The following ADARB2 variants were observed in gnomAD, a reference collection of about 807,000 sequenced individuals.
ADARB2 encodes the protein inactive double-stranded RNA-specific editase B2.
Under a neutral mutation model 62.2 loss-of-function variants are expected in ADARB2, and 25 were observed. The ratio of observed to expected loss-of-function variants is 0.40; its 90% CI spans 0.29 to 0.56. The LOEUF (loss-of-function observed/expected upper bound fraction) is 0.56. ADARB2 is among the 20% of genes least tolerant of loss of function. The probability of loss-of-function intolerance (pLI) is 0.43; values close to 1 mark genes in which losing one functional copy is unlikely to be tolerated. For synonymous variants in ADARB2, 572 were observed against 500.8 expected (o/e 1.14, Z -1.90); for missense variants, 1,071 against 1,077.4 (o/e 0.99, Z 0.08).
At position 1,178,917 on chromosome 10, in the gene ADARB2, C is replaced by CT. The variant is rs1836625827; in HGVS notation, c.*4275dup. ...ACGGTAGTACATAAAAGGAAAGCCT[C>CT]TCAGCTTCCCTTTGGTCTCTGTTAG... On this transcript the variant is annotated 3_prime_UTR_variant, in exon 10 of 10. Coordinates refer to ENST00000381312, the MANE Select transcript of ADARB2 (RefSeq NM_018702.4). 1 of 152,154 alleles carries CT rather than the reference C, an allele frequency of 6.6e-6. No individual in the cohort carries two copies. The highest frequency in any genetic ancestry group is 6.5e-5 in the Admixed American group (1 of 15,282). The allele number at this position is 152,154 out of a possible 1,614,324, so 9.4% of individuals were successfully genotyped here.
intron 1 of ADARB2, among the ~76,000 whole-genome samples, chr10:1,717,498 CCTTT>C (rs753748979): frequency 4.2e-4 from 63 of 151,674 alleles, no homozygotes; most frequent in Middle Eastern, 6.8e-3. Flanking sequence ...TCCTTCCTTT[CCTTT>C]CTTTCTTTCT....
At chr10:1,401,223 C>T (rs1339218783) in intron 1 of ADARB2, among the ~76,000 whole-genome samples, 3 of 152,288 alleles carry the variant, frequency 2.0e-5, no homozygotes, top group Non-Finnish European at 2.9e-5. Context: ...TGGAGGCAGC[C>T]GGGTGGGGGA....
intron 1 of ADARB2, among the ~76,000 whole-genome samples, chr10:1,673,312 T>TTG (rs1373662397): frequency 1.4e-4 from 10 of 72,224 alleles, no homozygotes; most frequent in African/African-American, 3.5e-4. Flanking sequence ...AGATTTCATT[T>TTG]TATGTGTGTG....
intron 1 of ADARB2, among the ~76,000 whole-genome samples, chr10:1,693,470 T>C (rs560041014): frequency 6.6e-6 from 1 of 152,344 alleles, no homozygotes; most frequent in Non-Finnish European, 1.5e-5. Flanking sequence ...AGGATAAAAA[T>C]ATAACTCAAA....
At chr10:1,712,725 C>T (rs941524957) in intron 1 of ADARB2, among the ~76,000 whole-genome samples, 4 of 145,230 alleles carry the variant, frequency 2.8e-5, no homozygotes, top group Non-Finnish European at 6.0e-5. Context: ...TCTCCTGCCT[C>T]AGCCTCCCGA....
At chr10:1,552,199 G>A (rs1056901962) in intron 1 of ADARB2, among the ~76,000 whole-genome samples, 24 of 152,240 alleles carry the variant, frequency 1.6e-4, no homozygotes, top group African/African-American at 5.8e-4. Context: ...GGGGGGAGCT[G>A]GCCTGGGGCC....
chr10:1,731,481 A>G (rs1206558374), intron 1 of ADARB2, among the ~76,000 whole-genome samples: 1 of 152,210 alleles, frequency 6.6e-6, no homozygotes. Context: ...AGAGCACGTT[A>G]GCTGTCCCTG....
rs754187753 is a variant in ADARB2 at position 1,233,835 on chromosome 10, C to T, written c.1372G>A (p.Glu458Lys). 8.7e-6 allele frequency: 14 copies of T among 1,613,482 alleles called. No individual in the cohort carries two copies. The highest frequency in any genetic ancestry group is 1.7e-5 in the Admixed American group (1 of 59,950). Residue 458 changes from glutamate (E) to lysine (K), a missense_variant, in exon 6 of 10, where the codon GAG (glutamate) becomes AAG (lysine). Physicochemically the swap from Glu to Lys is moderately conservative, Grantham distance 56. Coordinates refer to ENST00000381312, the MANE Select transcript of ADARB2 (RefSeq NM_018702.4). The part of the protein sequence containing the change: ...QLELHLSKRR[E>K]DSERSIFVRL... ...ACGAATATCGATCGCTCTGAGTCCT[C>T]GCGCCGCTTGCTAGGGTCACAAAGA...
At chr10:1,372,434 C>T (rs771560901) in intron 2 of ADARB2, among the ~76,000 whole-genome samples, 11 of 151,652 alleles carry the variant, frequency 7.3e-5, no homozygotes, top group African/African-American at 1.9e-4. Context: ...GGGACAAACA[C>T]GCACATGTAT....
rs1834274153 is a variant in ADARB2 at position 1,663,421 on chromosome 10, C to G, written c.100+73630G>C. Among the ~76,000 whole-genome samples the G allele has an allele frequency of 2.0e-5, 3 of 152,226 alleles. No individual in the cohort carries two copies. In the South Asian group the frequency reaches 6.2e-4, roughly 32 times the overall value. On this transcript the variant is annotated intron_variant, in intron 1 of 9. Transcript: ENST00000381312. ...AGAGCGCTGCCACTCCCGAAACGCCCTCCGTGCTCCGCCTGCTCATCCCTC... is the reference window on the plus strand; with the variant it reads ...AGAGCGCTGCCACTCCCGAAACGCCGTCCGTGCTCCGCCTGCTCATCCCTC...
Position 1,713,994 on chromosome 10 carries a change from CTGTG to C in ADARB2, c.100+23053_100+23056del, listed in dbSNP as rs367711084. Reference sequence around the variant, plus strand: ...GTTCCTTGTTTTGCATAAAGAGACTCTGTGTGTGATTTCACTTAAAAGATATTTC... The same window carrying C: ...GTTCCTTGTTTTGCATAAAGAGACTCTGTGATTTCACTTAAAAGATATTTC... On this transcript the variant is annotated intron_variant, in intron 1 of 9. Coordinates refer to ENST00000381312, the MANE Select transcript of ADARB2 (RefSeq NM_018702.4). Among the ~76,000 whole-genome samples the C allele has an allele frequency of 5.9e-5, 9 of 152,310 alleles. No homozygotes were observed. In the South Asian group the frequency reaches 1.9e-3, roughly 32 times the overall value.
chr10:1,524,495 G>A (rs1205822298), intron 1 of ADARB2, among the ~76,000 whole-genome samples: 1 of 152,180 alleles, frequency 6.6e-6, no homozygotes, highest in Non-Finnish European at 1.5e-5. Context: ...TGGATAATGG[G>A]TCAATCAGCA....
chr10:1,552,092 C>G (rs1372978173), intron 1 of ADARB2, among the ~76,000 whole-genome samples: 2 of 152,224 alleles, frequency 1.3e-5, no homozygotes, highest in African/African-American at 2.4e-5. Flanking sequence ...CATACAGTCC[C>G]AATCCTGCCA....
chr10:1,200,104 C>T lies in ADARB2; in HGVS notation c.1726G>A (p.Val576Met), dbSNP rs371248659. The change falls in exon 8 of 10, where the codon GTG (valine) becomes ATG (methionine). Residue 576 changes from valine to methionine, a missense_variant. Physicochemically the swap from Val to Met is conservative, Grantham distance 21 (BLOSUM62 1). Transcript: ENST00000381312. ...ATGCTCTGCAGGTACACGGGCTCCA[C>T]GAAGTGGGACAGGAGCGCGCCCTGC... is the stretch of plus-strand genomic sequence containing the variant. ...GLQGALLSHF[V>M]EPVYLQSIVV... 29 of 1,560,634 alleles carry T rather than the reference C, an allele frequency of 1.9e-5. No individual in the cohort carries two copies. Among genetic ancestry groups the T allele is most frequent in the Admixed American group, 5.7e-5 (3 of 52,338 alleles).
chr10:1,707,043 C>T (rs1834898741), intron 1 of ADARB2, among the ~76,000 whole-genome samples: 1 of 152,200 alleles, frequency 6.6e-6, no homozygotes, highest in African/African-American at 2.4e-5. Context: ...ATACACCCCA[C>T]AGAAAAAGTT....
intron 3 of ADARB2, among the ~76,000 whole-genome samples, chr10:1,293,230 G>GGGAGAGGGACAGAGGGAGGGA (rs1831491537): frequency 1.6e-5 from 2 of 125,368 alleles, no homozygotes; most frequent in Non-Finnish European, 3.3e-5. Flanking sequence ...GAGGGACGGG[G>GGGAGAGGGACAGAGGGAGGGA]AGGGAGAGAG....
At chr10:1,665,751 T>C (rs1834308461) in intron 1 of ADARB2, among the ~76,000 whole-genome samples, 1 of 152,230 alleles carries the variant, frequency 6.6e-6, no homozygotes, top group Admixed American at 6.5e-5. Context: ...GGCATTTCTC[T>C]GGGAAGCCCC....
chr10:1,404,899 T>C (rs1235905452), intron 1 of ADARB2, among the ~76,000 whole-genome samples: 1 of 152,232 alleles, frequency 6.6e-6, no homozygotes, highest in African/African-American at 2.4e-5. Flanking sequence ...CTTTCTACAT[T>C]GGTCCTTTTC....
At chr10:1,372,793 C>T (rs80290555) in intron 2 of ADARB2, among the ~76,000 whole-genome samples, 1,736 of 152,246 alleles carry the variant, frequency 0.011, 36 homozygotes, top group African/African-American at 0.04. Context: ...ATTATTCTTG[C>T]CGGTCATAAT....
Sources: gnomAD v4.1 joint callset for allele counts (sites outside exome capture counted in the v4.1 genomes callset) on GRCh38, gnomAD v4.1.1 for gene constraint, MANE v1.5 for transcripts, NCBI Gene and HGNC (gene_info 2026-07-23, HGNC 2026-07-21) for gene names.